KRT80: variants seen among roughly 807,000 people sequenced by gnomAD.
The protein encoded by KRT80 is keratin, type II cytoskeletal 80.
A neutral mutation model predicts 51.5 loss-of-function variants in KRT80; 36 were observed. The observed-to-expected ratio is 0.70, with a 90% CI of 0.54 to 0.92. The LOEUF is 0.92. Ranked by LOEUF, KRT80 falls within the 40% of genes least tolerant of loss-of-function variation. The pLI is 0.00. For synonymous variants in KRT80, 235 were observed against 248.3 expected (o/e 0.95, Z 0.50); for missense variants, 566 against 591.7 (o/e 0.96, Z 0.45).
At chr12:52,186,622 C>T (rs778233797) in intron 1 of KRT80, among the ~76,000 whole-genome samples, 1 of 152,214 alleles carries the variant, frequency 6.6e-6, no homozygotes, top group African/African-American at 2.4e-5. Context: ...GGTTTAGAAC[C>T]TTTTAACCAC....
At chr12:52,178,007 A>G (rs1941260440) in intron 4 of KRT80, among the ~76,000 whole-genome samples, 2 of 152,178 alleles carry the variant, frequency 1.3e-5, no homozygotes, top group African/African-American at 2.4e-5. Context: ...TGCAGTTCAC[A>G]TTGTATTTCT....
chr12:52,176,630 C>T (rs1020027079), intron 4 of KRT80, among the ~76,000 whole-genome samples: 11 of 152,084 alleles, frequency 7.2e-5, no homozygotes, highest in African/African-American at 1.7e-4. Flanking sequence ...TACAGGCATG[C>T]GCCACCTCAC....
chr12:52,191,410 A>G (rs578139461), intron 1 of KRT80, among the ~76,000 whole-genome samples, 193 bp downstream of exon 1: 12 of 152,276 alleles, frequency 7.9e-5, no homozygotes, highest in African/African-American at 2.6e-4. Context: ...TTCTCCCCAC[A>G]TGCCAGGATG....
chr12:52,172,183 A>G lies in KRT80; in HGVS notation c.1178+15T>C, dbSNP rs376810515. ...CCTTCCCCTGCAGCCCTTCCTCACCAGCCCTGGCTCTCACCTGCCCTCCTC... is the reference window on the plus strand; with the variant it reads ...CCTTCCCCTGCAGCCCTTCCTCACCGGCCCTGGCTCTCACCTGCCCTCCTC... On this transcript the variant is annotated intron_variant, in intron 7 of 8. Transcript: ENST00000394815. The G allele has an allele frequency of 3.3e-5, 53 of 1,612,474 alleles. No homozygotes were observed. Among genetic ancestry groups the G allele is most frequent in the Non-Finnish European group, 4.2e-5 (50 of 1,179,750 alleles).
intron 4 of KRT80, among the ~76,000 whole-genome samples, chr12:52,177,892 C>T (rs906165429): frequency 2.6e-5 from 4 of 151,504 alleles, no homozygotes; most frequent in Non-Finnish European, 2.9e-5. Context: ...AGGTAGATGT[C>T]GAAATAATTA....
chr12:52,170,764 G>A lies in KRT80; in HGVS notation c.*634C>T, dbSNP rs1277550274. On this transcript the variant is annotated 3_prime_UTR_variant, in exon 9 of 9. Coordinates refer to ENST00000394815, the MANE Select transcript of KRT80 (RefSeq NM_182507.3). Reference sequence around the variant, plus strand: ...GGAGGAGGAAGGGATGCGGGTGTTCGGGCTGATCTCTGGGGCCTAGGCTTA... The same window carrying A: ...GGAGGAGGAAGGGATGCGGGTGTTCAGGCTGATCTCTGGGGCCTAGGCTTA... The A allele has an allele frequency of 2.6e-5, 4 of 152,732 alleles. No homozygotes were observed. Among genetic ancestry groups the A allele is most frequent in the African/African-American group, 7.2e-5 (3 of 41,440 alleles). 9.5% of individuals were successfully genotyped at this position (152,732 alleles called of 1,614,324 possible).
chr12:52,173,547 C>A (rs937893895), intron 5 of KRT80, 53 bp downstream of exon 5: 2 of 1,578,672 alleles, frequency 1.3e-6, no homozygotes, highest in Non-Finnish European at 1.7e-6. Context: ...GCCCTTCCTG[C>A]CACCCAGAGA....
chr12:52,187,084 C>G (rs1286632979), intron 1 of KRT80, among the ~76,000 whole-genome samples: 2 of 152,262 alleles, frequency 1.3e-5, no homozygotes, highest in African/African-American at 4.8e-5. Context: ...CCCTTGGGGC[C>G]TCTCCTCCCT....
At chr12:52,173,445 C>A (rs981421452) in intron 5 of KRT80, among the ~76,000 whole-genome samples, 155 bp downstream of exon 5, 1 of 152,096 alleles carries the variant, frequency 6.6e-6, no homozygotes, top group African/African-American at 2.4e-5. Flanking sequence ...CTGTGGTCTC[C>A]CCCCGCCCGC....
chr12:52,185,194 T>G (rs1036631886), intron 2 of KRT80, among the ~76,000 whole-genome samples, 185 bp downstream of exon 2: 1 of 152,188 alleles, frequency 6.6e-6, no homozygotes, highest in African/African-American at 2.4e-5. Flanking sequence ...CGGCTGTAGG[T>G]TCACAGCCAT....
At chr12:52,179,523 G>A (rs1293642465) in intron 4 of KRT80, among the ~76,000 whole-genome samples, 2 of 152,220 alleles carry the variant, frequency 1.3e-5, no homozygotes, top group South Asian at 2.1e-4. Context: ...TCAGTTCCAC[G>A]GAGGCCCCAG....
intron 1 of KRT80, among the ~76,000 whole-genome samples, chr12:52,186,356 C>T (rs1199146314): frequency 2.6e-5 from 4 of 152,152 alleles, no homozygotes. Flanking sequence ...TGTCCTGAGC[C>T]ACTACTCTCC....
intron 1 of KRT80, among the ~76,000 whole-genome samples, chr12:52,188,503 T>G (rs547359099): frequency 1.3e-5 from 2 of 152,202 alleles, no homozygotes; most frequent in Non-Finnish European, 2.9e-5. Context: ...CAGGTAGTGT[T>G]CCTTAGCGGG....
In KRT80 at chr12:52,185,419, G is replaced by T. The variant is rs545030270; in HGVS notation, c.469C>A (p.Leu157Met). ...TCAACCTTCTCCAGCACCTGCAGCA[G>T]GTTGGCCTCCAGCTGCCCCCGCTCC... Reference protein sequence around the residue: ...SQERGQLEANLLQVLEKVEEF... With the variant: ...SQERGQLEANMLQVLEKVEEF... Residue 157 changes from leucine (L) to methionine (M), a missense_variant, in exon 2 of 9, where the codon CTG (leucine) becomes ATG (methionine). Coordinates refer to ENST00000394815, the MANE Select transcript of KRT80 (RefSeq NM_182507.3). The T allele has an allele frequency of 6.2e-7, 1 of 1,613,938 alleles. No individual in the cohort carries two copies. Among genetic ancestry groups the T allele is most frequent in the African/African-American group, 1.3e-5 (1 of 74,924 alleles).
At chr12:52,190,011 G>A (rs879535033) in intron 1 of KRT80, among the ~76,000 whole-genome samples, 3 of 152,234 alleles carry the variant, frequency 2.0e-5, no homozygotes, top group Admixed American at 6.5e-5. Flanking sequence ...TGGTCAGGAG[G>A]TGGCTCTTTA....
chr12:52,189,000 C>T (rs567994043), intron 1 of KRT80, among the ~76,000 whole-genome samples: 158 of 152,274 alleles, frequency 1.0e-3, no homozygotes, highest in Middle Eastern at 3.4e-3. Flanking sequence ...GAATCTGGGG[C>T]GCAGAGAGGG....
intron 5 of KRT80, 137 bp downstream of exon 5, chr12:52,173,463 C>CAGTGGG: frequency 1.1e-6 from 1 of 900,422 alleles, no homozygotes; most frequent in Non-Finnish European, 1.7e-6. Flanking sequence ...CGCCCCGTCC[C>CAGTGGG]TGTGCTTCTC....
chr12:52,182,878 C>T (rs975653811), intron 2 of KRT80, among the ~76,000 whole-genome samples: 29 of 152,286 alleles, frequency 1.9e-4, no homozygotes, highest in African/African-American at 4.1e-4. Context: ...CGCTGGGCTG[C>T]GGCTGGACAC....
At chr12:52,191,120 C>G (rs930770403) in intron 1 of KRT80, among the ~76,000 whole-genome samples, 1 of 152,204 alleles carries the variant, frequency 6.6e-6, no homozygotes, top group African/African-American at 2.4e-5. Flanking sequence ...CGCACTCACC[C>G]TCCACCCTGC....
Sources: allele counts gnomAD v4.1 joint callset (sites outside exome capture counted in the v4.1 genomes callset), GRCh38; gene constraint gnomAD v4.1.1; transcripts MANE v1.5; gene names NCBI Gene and HGNC (gene_info 2026-07-23, HGNC 2026-07-21).